Variants in ELP4 observed in about 807,000 individuals in gnomAD.
ELP4 encodes elongator complex protein 4.
In ELP4, 51 loss-of-function variants were observed where a neutral mutation model predicts 48.9. That is an observed-to-expected ratio of 1.04 (90% CI 0.83 to 1.32). ELP4 has a LOEUF of 1.32. Ranked by LOEUF, ELP4 falls within the 40% of genes most tolerant of loss-of-function variation. The pLI, the probability that ELP4 is intolerant of heterozygous loss-of-function variation, is 0.00. For synonymous variants in ELP4, 210 were observed against 189.2 expected (o/e 1.11, Z -0.90); for missense variants, 519 against 514.6 (o/e 1.01, Z -0.08).
chr11:31,544,233 T>C (rs1460560223), intron 3 of ELP4, among the ~76,000 whole-genome samples: 1 of 152,142 alleles, frequency 6.6e-6, no homozygotes, highest in African/African-American at 2.4e-5. Context: ...GGTCAGGGAG[T>C]TCCCTTTCCT....
intron 3 of ELP4, among the ~76,000 whole-genome samples, chr11:31,566,869 G>T (rs1957119934): frequency 6.6e-6 from 1 of 152,096 alleles, no homozygotes; most frequent in South Asian, 2.1e-4. Context: ...AAAAAAAGAA[G>T]CACAACATGT....
At chr11:31,628,216 C>T (rs927768635) in intron 6 of ELP4, 9 of 151,978 alleles carry the variant, frequency 5.9e-5, no homozygotes, top group African/African-American at 1.9e-4. Context: ...TTTATGGGTA[C>T]TGTGTCTTTC....
In ELP4 at chr11:31,632,252, G is replaced by C. The variant is rs1441259887; in HGVS notation, c.774G>C (p.Gln258His). The C allele has an allele frequency of 6.2e-7, 1 of 1,606,774 alleles. No individual in the cohort carries two copies. The highest frequency in any genetic ancestry group is 1.3e-5 in the African/African-American group (1 of 74,340). ...GAAACATTTTAAGAATAGGAATTCAGAATCTTGGCTCACCTTTATGGGGAG... is the reference window on the plus strand; with the variant it reads ...GAAACATTTTAAGAATAGGAATTCACAATCTTGGCTCACCTTTATGGGGAG... ...KQRNILRIGI[Q>H]NLGSPLWGDD... Residue 258 changes from glutamine to histidine, a missense_variant, in exon 7 of 10, where the codon CAG becomes CAC. Coordinates refer to ENST00000640961, the MANE Select transcript of ELP4 (RefSeq NM_019040.5).
At chr11:31,575,909 A>C (rs527348926) in intron 3 of ELP4, among the ~76,000 whole-genome samples, 15 of 152,294 alleles carry the variant, frequency 9.8e-5, no homozygotes, top group East Asian at 9.7e-4. Context: ...GAGCTAACAT[A>C]ATAATGACAG....
At chr11:31,542,281 G>A (rs886631473) in intron 3 of ELP4, among the ~76,000 whole-genome samples, 1 of 152,140 alleles carries the variant, frequency 6.6e-6, no homozygotes, top group African/African-American at 2.4e-5. Context: ...ACACAGCTAG[G>A]ATCACAAGGA....
intron 9 of ELP4, among the ~76,000 whole-genome samples, chr11:31,680,846 C>T (rs573360063): frequency 6.6e-5 from 10 of 151,952 alleles, no homozygotes; most frequent in Non-Finnish European, 1.3e-4. Context: ...TAATGCAAAG[C>T]GATCATGTTG....
Position 31,783,665 on chromosome 11 carries a change from TC to T in ELP4, c.*142del. 1 of 798,770 alleles carries T rather than the reference TC, an allele frequency of 1.3e-6. No individual in the cohort carries two copies. Among genetic ancestry groups the T allele is most frequent in the Non-Finnish European group, 1.9e-6 (1 of 539,518 alleles). 49.5% of individuals were successfully genotyped at this position (798,770 alleles called of 1,614,324 possible). ...GATTATAAAATGGTGCCGCCATTTC[TC>T]ATTTTTTAACTTTTTACAGAACTAG... On this transcript the variant is annotated 3_prime_UTR_variant, in exon 10 of 10. Coordinates refer to ENST00000640961, the MANE Select transcript of ELP4 (RefSeq NM_019040.5).
intron 9 of ELP4, among the ~76,000 whole-genome samples, chr11:31,672,879 A>G (rs1198997197): frequency 6.6e-6 from 1 of 152,244 alleles, no homozygotes; most frequent in East Asian, 1.9e-4. Context: ...AGTTCACCCA[A>G]ATGACTTCCA....
At chr11:31,675,617 A>G (rs1355492199) in intron 9 of ELP4, among the ~76,000 whole-genome samples, 1 of 152,158 alleles carries the variant, frequency 6.6e-6, no homozygotes, top group Non-Finnish European at 1.5e-5. Flanking sequence ...GTGATCATGT[A>G]GGCACTGTGG....
At chr11:31,691,897 A>T (rs1473395666) in intron 9 of ELP4, among the ~76,000 whole-genome samples, 2 of 152,186 alleles carry the variant, frequency 1.3e-5, no homozygotes, top group African/African-American at 2.4e-5. Flanking sequence ...ATCTCTTAAC[A>T]TTAACTTCTT....
intron 9 of ELP4, among the ~76,000 whole-genome samples, chr11:31,665,460 C>T (rs1565102184): frequency 6.6e-6 from 1 of 151,906 alleles, no homozygotes. Flanking sequence ...CAAGTACTTC[C>T]TATAGGTTAG....
At chr11:31,749,590 T>A (rs1592279183) in intron 9 of ELP4, among the ~76,000 whole-genome samples, 3 of 152,208 alleles carry the variant, frequency 2.0e-5, no homozygotes, top group Admixed American at 1.3e-4. Flanking sequence ...TTAACTTCTA[T>A]GTATACTATA....
At chr11:31,737,319 G>C (rs1592266796) in intron 9 of ELP4, among the ~76,000 whole-genome samples, 1 of 152,068 alleles carries the variant, frequency 6.6e-6, no homozygotes. Flanking sequence ...GGCCTGTTGT[G>C]GGGTAGGGGG....
At chr11:31,679,801 T>A (rs767724172) in intron 9 of ELP4, among the ~76,000 whole-genome samples, 2 of 152,190 alleles carry the variant, frequency 1.3e-5, no homozygotes, top group African/African-American at 2.4e-5. Context: ...AGAGTCAGTT[T>A]GCCAATATCC....
chr11:31,579,639 CA>C (rs1473849209), intron 3 of ELP4, among the ~76,000 whole-genome samples: 1 of 152,016 alleles, frequency 6.6e-6, no homozygotes, highest in Non-Finnish European at 1.5e-5. Context: ...TTTATAGGGA[CA>C]TGGATGAAGC....
At chr11:31,665,174 C>T (rs183273883) in intron 9 of ELP4, among the ~76,000 whole-genome samples, 75 of 152,242 alleles carry the variant, frequency 4.9e-4, no homozygotes, top group African/African-American at 1.8e-3. Flanking sequence ...AACCAAACCA[C>T]CCTATGACTG....
intron 3 of ELP4, among the ~76,000 whole-genome samples, chr11:31,548,007 A>G (rs1386939821): frequency 6.6e-6 from 1 of 152,250 alleles, no homozygotes; most frequent in African/African-American, 2.4e-5. Context: ...AGAGCTATCT[A>G]TGACAAACAC....
At chr11:31,526,365 G>A (rs1956295391) in intron 2 of ELP4, among the ~76,000 whole-genome samples, 1 of 151,910 alleles carries the variant, frequency 6.6e-6, no homozygotes, top group Admixed American at 6.6e-5. Flanking sequence ...ATTTATTGGA[G>A]ACTATCCTGA....
intron 9 of ELP4, among the ~76,000 whole-genome samples, chr11:31,773,669 C>A (rs1948192468): frequency 6.6e-6 from 1 of 152,230 alleles, no homozygotes. Flanking sequence ...ATGGTCTCCA[C>A]AACTGTGCTT....
Sources: gnomAD v4.1 joint callset for allele counts (sites outside exome capture counted in the v4.1 genomes callset) on GRCh38, gnomAD v4.1.1 for gene constraint, MANE v1.5 for transcripts, NCBI Gene and HGNC (gene_info 2026-07-23, HGNC 2026-07-21) for gene names.